Variants in GARIN1B observed in about 807,000 individuals in gnomAD.
The protein encoded by GARIN1B is Golgi-associated RAB2 interactor protein 1B.
the GARIN1B span, chr7:128,715,140 C>T: frequency 8.1e-6 from 4 of 493,096 alleles, no homozygotes; most frequent in Non-Finnish European, 1.1e-5. Context: ...TGACAGCCCT[C>T]CTTGCTTGCT....
chr7:128,727,119 C>T, the GARIN1B span, among the ~76,000 whole-genome samples: 2 of 152,180 alleles, frequency 1.3e-5, no homozygotes, highest in Non-Finnish European at 2.9e-5. Context: ...ACAGACCCTA[C>T]CCCAGCCCAG....
At chr7:128,726,594 T>A in the GARIN1B span, among the ~76,000 whole-genome samples, 1 of 151,818 alleles carries the variant, frequency 6.6e-6, no homozygotes, top group East Asian at 1.9e-4. Context: ...ATCAGCAGCA[T>A]GGGCTCTGCT....
the GARIN1B span, among the ~76,000 whole-genome samples, chr7:128,729,358 A>G: frequency 2.6e-5 from 4 of 152,200 alleles, no homozygotes; most frequent in Admixed American, 6.5e-5. Context: ...TTAATGTCCA[A>G]ACAGTCCCCC....
chr7:128,729,331 G>A, the GARIN1B span, among the ~76,000 whole-genome samples: 1 of 152,214 alleles, frequency 6.6e-6, no homozygotes, highest in Non-Finnish European at 1.5e-5. Context: ...GCCTATTATT[G>A]CAGTGCTTCC....
chr7:128,720,992 CA>C, the GARIN1B span, among the ~76,000 whole-genome samples: 13,481 of 146,816 alleles, frequency 0.092, 924 homozygotes, highest in East Asian at 0.25. Context: ...TTAATTTCCA[CA>C]AAAAAAAAAC....
the GARIN1B span, chr7:128,723,463 G>C: frequency 0.1 from 100,931 of 968,620 alleles, 5,801 homozygotes; most frequent in Non-Finnish European, 0.11. Context: ...CTGTATTCCC[G>C]GCACTTTGGG....
the GARIN1B span, chr7:128,731,272 C>A: frequency 1.3e-6 from 1 of 772,336 alleles, no homozygotes; most frequent in Non-Finnish European, 2.3e-6. Flanking sequence ...TCCAGCTGTA[C>A]ATAACCACGT....
chr7:128,709,662 ATGT>A, the GARIN1B span, among the ~76,000 whole-genome samples: 8 of 150,626 alleles, frequency 5.3e-5, no homozygotes, highest in East Asian at 7.8e-4. Flanking sequence ...TTGTAGTATA[ATGT>A]TGTTGTTGTT....
At chr7:128,710,901 G>A in the GARIN1B span, among the ~76,000 whole-genome samples, 5 of 151,888 alleles carry the variant, frequency 3.3e-5, no homozygotes, top group African/African-American at 1.2e-4. Context: ...CAGGTGATCC[G>A]CCCGCCTCAG....
chr7:128,726,707 A>G, the GARIN1B span: 1 of 1,040,842 alleles, frequency 9.6e-7, no homozygotes, highest in South Asian at 1.6e-5. Flanking sequence ...GGCCTTTTTC[A>G]TATTTATATC....
the GARIN1B span, among the ~76,000 whole-genome samples, chr7:128,725,293 G>A: frequency 3.3e-5 from 5 of 152,118 alleles, no homozygotes; most frequent in African/African-American, 1.2e-4. Flanking sequence ...AATAGAGCAA[G>A]GTATTTTGAA....
At chr7:128,713,166 G>A in the GARIN1B span, among the ~76,000 whole-genome samples, 202 of 152,206 alleles carry the variant, frequency 1.3e-3, no homozygotes, top group Non-Finnish European at 2.5e-3. Flanking sequence ...AATTAGCCAG[G>A]CATGGTGCTG....
At chr7:128,709,761 T>C in the GARIN1B span, among the ~76,000 whole-genome samples, 5 of 149,440 alleles carry the variant, frequency 3.3e-5, no homozygotes, top group Admixed American at 3.3e-4. Context: ...TTTTTTTTTT[T>C]TTTTTTTTTA....
At chr7:128,730,014 C>G in the GARIN1B span, 315 of 1,614,198 alleles carry the variant, frequency 2.0e-4, 2 homozygotes, top group African/African-American at 3.7e-3. Context: ...TGCAGCCCCT[C>G]TCACTACTCA....
the GARIN1B span, among the ~76,000 whole-genome samples, chr7:128,723,814 T>C: frequency 6.6e-6 from 1 of 151,702 alleles, no homozygotes; most frequent in Admixed American, 6.6e-5. Context: ...GCCCAGTCAC[T>C]GTTCAGTCTT....
At chr7:128,711,430 A>G in the GARIN1B span, among the ~76,000 whole-genome samples, 8 of 152,102 alleles carry the variant, frequency 5.3e-5, no homozygotes, top group African/African-American at 1.9e-4. Flanking sequence ...GGAATATACT[A>G]GATTAAAATA....
the GARIN1B span, among the ~76,000 whole-genome samples, chr7:128,718,112 TG>T: frequency 6.6e-6 from 1 of 152,068 alleles, no homozygotes; most frequent in Admixed American, 6.6e-5. Context: ...AGCCAGACAG[TG>T]GGGCAAGCTC....
chr7:128,713,075 C>T, the GARIN1B span, among the ~76,000 whole-genome samples: 5 of 152,034 alleles, frequency 3.3e-5, no homozygotes, highest in African/African-American at 7.2e-5. Flanking sequence ...GAGGTCAAGG[C>T]GGTTGGATTA....
chr7:128,716,039 A>ATTGGC, the GARIN1B span, among the ~76,000 whole-genome samples: 1 of 152,212 alleles, frequency 6.6e-6, no homozygotes, highest in Non-Finnish European at 1.5e-5. Flanking sequence ...AATAATGCGG[A>ATTGGC]TTGGCGAAAG....
Sources: allele counts gnomAD v4.1 joint callset (sites outside exome capture counted in the v4.1 genomes callset), GRCh38; gene constraint gnomAD v4.1.1; transcripts MANE v1.5; gene names NCBI Gene and HGNC (gene_info 2026-07-23, HGNC 2026-07-21).